IDI1: variants seen among roughly 807,000 people sequenced by gnomAD.
The protein encoded by IDI1 is isopentenyl-diphosphate delta isomerase 1, also known as isopentenyl-diphosphate Delta-isomerase 1.
A neutral mutation model predicts 32.9 loss-of-function variants in IDI1; 23 were observed. The ratio of observed to expected loss-of-function variants is 0.70; its 90% CI spans 0.50 to 0.99. IDI1 has a LOEUF of 0.99. Ranked by LOEUF, IDI1 falls within the 50% of genes least tolerant of loss-of-function variation. The pLI is 0.00. For synonymous variants in IDI1, 133 were observed against 128.2 expected, an observed-to-expected ratio of 1.04 and a Z score of -0.25; for missense variants, 326 against 351.9, an observed-to-expected ratio of 0.93 and a Z score of 0.59.
At chr10:1,044,267 G>A in intron 1 of IDI1, 96 bp from the exon 2 acceptor site, 2 of 896,204 alleles carry the variant, frequency 2.2e-6, no homozygotes, top group South Asian at 1.6e-5. Context: ...CCCATCTGCA[G>A]TTGTACCACT....
upstream of IDI1, chr10:1,049,258 CGAGCCCGAGGCGCTGCG>C: frequency 1.8e-6 from 1 of 553,364 alleles, no homozygotes; most frequent in Non-Finnish European, 3.0e-6. Context: ...TCCTGCCGTG[CGAGCCCGAGGCGCTGCG>C]AACGGTGCCT....
intron 4 of IDI1, among the ~76,000 whole-genome samples, chr10:1,042,306 G>A (rs1832624400): frequency 6.6e-6 from 1 of 152,012 alleles, no homozygotes; most frequent in African/African-American, 2.4e-5. Context: ...GGAGTTTTAG[G>A]TGAGAACTGG....
chr10:1,049,092 G>A lies in IDI1; in HGVS notation c.-89C>T. On this transcript the variant is annotated 5_prime_UTR_variant, in exon 1 of 5. Coordinates refer to ENST00000381344, the MANE Select transcript of IDI1 (RefSeq NM_004508.4). The stretch of plus-strand genomic sequence containing the variant: ...TGCCACCTCCCTGGCCTGTGACAAC[G>A]GCAGACGCGCGAAGCACCGGGAACC... The A allele has an allele frequency of 7.1e-7, 1 of 1,408,380 alleles. No individual in the cohort carries two copies. The highest frequency in any genetic ancestry group is 1.5e-5 in the South Asian group (1 of 65,864). The allele number at this position is 1,408,380 out of a possible 1,614,324, so 87.2% of individuals were successfully genotyped here. A position where few individuals can be genotyped will look rare whatever the true frequency, so the allele number is the denominator to read the frequency against.
Position 1,049,063 on chromosome 10 carries a change from G to C in IDI1, c.-60C>G. Reference sequence around the variant, plus strand: ...ACACAATCTCGCCAAGCTTCGCCTGGTGGTGCCACCTCCCTGGCCTGTGAC... The same window carrying C: ...ACACAATCTCGCCAAGCTTCGCCTGCTGGTGCCACCTCCCTGGCCTGTGAC... On this transcript the variant is annotated 5_prime_UTR_variant, in exon 1 of 5. Transcript: ENST00000381344. 6.9e-7 allele frequency: 1 copy of C among 1,444,124 alleles called. No individual in the cohort carries two copies. The highest frequency in any genetic ancestry group is 9.0e-7 in the Non-Finnish European group (1 of 1,107,074). The allele number at this position is 1,444,124 out of a possible 1,614,324, so 89.5% of individuals were successfully genotyped here.
intron 1 of IDI1, among the ~76,000 whole-genome samples, chr10:1,044,475 CT>C (rs1445226780): frequency 6.6e-6 from 1 of 152,186 alleles, no homozygotes; most frequent in African/African-American, 2.4e-5. Flanking sequence ...TTCCAGTGTA[CT>C]TTTCTTCTCT....
intron 1 of IDI1, among the ~76,000 whole-genome samples, chr10:1,046,202 A>C (rs1832804771): frequency 6.6e-6 from 1 of 152,214 alleles, no homozygotes; most frequent in African/African-American, 2.4e-5. Flanking sequence ...CACTGTGTAC[A>C]TACATGTGTC....
chr10:1,049,316 T>C (rs1032845250), upstream of IDI1: 4 of 391,716 alleles, frequency 1.0e-5, no homozygotes, highest in Non-Finnish European at 1.8e-5. Flanking sequence ...TCGCGTTCCA[T>C]GGAGGAAGCC....
intron 1 of IDI1, among the ~76,000 whole-genome samples, chr10:1,047,869 A>G (rs1386486223): frequency 6.6e-6 from 1 of 152,270 alleles, no homozygotes; most frequent in Non-Finnish European, 1.5e-5. Context: ...TATGTTCAGT[A>G]CAGATGAAAT....
intron 4 of IDI1, among the ~76,000 whole-genome samples, chr10:1,041,904 C>T (rs1378955229): frequency 6.6e-6 from 1 of 151,458 alleles, no homozygotes; most frequent in East Asian, 1.9e-4. Flanking sequence ...CTCCCAGGTT[C>T]AAGCGATTCT....
chr10:1,049,019 C>T lies in IDI1; in HGVS notation c.-16G>A. ...CACGCCACATCGCCCGGCCAATTGG[C>T]GCCCGTACGCGCTTGACGACACAAT... On this transcript the variant is annotated 5_prime_UTR_variant, in exon 1 of 5. Coordinates refer to ENST00000381344, the MANE Select transcript of IDI1 (RefSeq NM_004508.4). 1 of 1,474,022 alleles carries T rather than the reference C, an allele frequency of 6.8e-7. No individual in the cohort carries two copies. Among genetic ancestry groups the T allele is most frequent in the South Asian group, 1.3e-5 (1 of 74,416 alleles). 91.3% of individuals were successfully genotyped at this position (1,474,022 alleles called of 1,614,324 possible).
chr10:1,051,815 A>G (rs1017553315), upstream of IDI1, among the ~76,000 whole-genome samples: 1 of 152,226 alleles, frequency 6.6e-6, no homozygotes, highest in Non-Finnish European at 1.5e-5. Context: ...AAATAAGACA[A>G]TAATGAAATT....
chr10:1,054,697 G>A, the IDI1 span, among the ~76,000 whole-genome samples: 1 of 152,174 alleles, frequency 6.6e-6, no homozygotes, highest in Non-Finnish European at 1.5e-5. Context: ...GTTATTTCAG[G>A]ATACAGTGTG....
Position 1,049,113 on chromosome 10 carries a change from G to T in IDI1, c.-110C>A. 7.1e-7 allele frequency: 1 copy of T among 1,400,500 alleles called. No individual in the cohort carries two copies. 86.8% of individuals were successfully genotyped at this position (1,400,500 alleles called of 1,614,324 possible). A position where few individuals can be genotyped will look rare whatever the true frequency, so the allele number is the denominator to read the frequency against. On this transcript the variant is annotated 5_prime_UTR_variant, in exon 1 of 5. Transcript: ENST00000381344. ...CAACGGCAGACGCGCGAAGCACCGG[G>T]AACCTGAGCCGTGACCGCGGGCTCT... is the stretch of plus-strand genomic sequence containing the variant.
At position 1,044,139 on chromosome 10, in the gene IDI1, A is replaced by G; in HGVS notation, c.173T>C (p.Met58Thr). 2 of 1,613,900 alleles carry G rather than the reference A, an allele frequency of 1.2e-6. No individual in the cohort carries two copies. Among genetic ancestry groups the G allele is most frequent in the Non-Finnish European group, 1.7e-6 (2 of 1,179,760 alleles). The change falls in exon 2 of 5, where the codon ATG becomes ACG. Residue 58 changes from methionine to threonine, a missense_variant. Coordinates refer to ENST00000381344, the MANE Select transcript of IDI1 (RefSeq NM_004508.4). Reference protein sequence around the residue: ...VLEQIRHFVMMPEINTNHLDK... With the variant: ...VLEQIRHFVMTPEINTNHLDK... ...GAGGTGGTTAGTGTTTATTTCAGGC[A>G]TCATTACAAAATGTCTGATCTGTTC...
Position 1,043,285 on chromosome 10 carries a change from T to C in IDI1, c.406+16A>G, listed in dbSNP as rs1050839622. On this transcript the variant is annotated intron_variant, in intron 3 of 4. Transcript: ENST00000381344. ...TAATGTACAAACACAATATTGTACATTAAAAGTGTACTAACCTGGAAAGGT... is the reference window on the plus strand; with the variant it reads ...TAATGTACAAACACAATATTGTACACTAAAAGTGTACTAACCTGGAAAGGT... 4 of 1,448,708 alleles carry C rather than the reference T, an allele frequency of 2.8e-6. No individual in the cohort carries two copies. The highest frequency in any genetic ancestry group is 3.9e-6 in the Non-Finnish European group (4 of 1,032,090). The allele number at this position is 1,448,708 out of a possible 1,614,324, so 89.7% of individuals were successfully genotyped here.
At chr10:1,048,058 G>C (rs1243517221) in intron 1 of IDI1, among the ~76,000 whole-genome samples, 2 of 152,118 alleles carry the variant, frequency 1.3e-5, no homozygotes, top group African/African-American at 4.8e-5. Flanking sequence ...TGCTATGTCT[G>C]TCGCCCAAGC....
In IDI1 at chr10:1,045,720, G is replaced by A. The variant is rs1221652007; in HGVS notation, c.141-1549C>T. Among the ~76,000 whole-genome samples the A allele has an allele frequency of 2.6e-5, 4 of 152,340 alleles. No homozygotes were observed. In the East Asian group the frequency reaches 7.7e-4, roughly 29 times the overall value. On this transcript the variant is annotated intron_variant, in intron 1 of 4. Transcript: ENST00000381344. ...AACCTCAGGAGATCTGCCTGCTTTGGCCTCCCAAAGTGTTGAGATTACAGG... is the reference window on the plus strand; with the variant it reads ...AACCTCAGGAGATCTGCCTGCTTTGACCTCCCAAAGTGTTGAGATTACAGG...
intron 1 of IDI1, among the ~76,000 whole-genome samples, chr10:1,045,038 C>G (rs553718465): frequency 6.6e-6 from 1 of 152,242 alleles, no homozygotes; most frequent in Non-Finnish European, 1.5e-5. Flanking sequence ...TATTTTGATT[C>G]TTCTCCATCC....
chr10:1,049,817 G>T (rs569812346), upstream of IDI1, among the ~76,000 whole-genome samples: 3 of 152,270 alleles, frequency 2.0e-5, no homozygotes, highest in Non-Finnish European at 4.4e-5. Context: ...ACCACGCCCG[G>T]CTTATTTCGT....
Sources: allele counts gnomAD v4.1 joint callset (sites outside exome capture counted in the v4.1 genomes callset), GRCh38; gene constraint gnomAD v4.1.1; transcripts MANE v1.5; gene names NCBI Gene and HGNC (gene_info 2026-07-23, HGNC 2026-07-21).